The following CNTN6 variants were observed in gnomAD, a reference collection of about 807,000 sequenced individuals.
The protein encoded by CNTN6 is contactin-6.
In CNTN6, 137 loss-of-function variants were observed where a neutral mutation model predicts 122.8. The ratio of observed to expected loss-of-function variants is 1.12; its 90% CI spans 0.97 to 1.29. The LOEUF is 1.29. CNTN6 is among the 50% of genes most tolerant of loss of function. The probability of loss-of-function intolerance (pLI) is 0.00; values close to 1 mark genes in which losing one functional copy is unlikely to be tolerated. For synonymous variants in CNTN6, 570 were observed against 426.0 expected, an observed-to-expected ratio of 1.34 and a Z score of -4.16; for missense variants, 1,634 against 1,223.4, an observed-to-expected ratio of 1.34 and a Z score of -5.01.
Position 1,301,024 on chromosome 3 carries a change from C to CTTTTTTTTTTT in CNTN6, c.761+3053_761+3063dup, listed in dbSNP as rs562912841. On this transcript the variant is annotated intron_variant, in intron 7 of 22. Coordinates refer to ENST00000446702, the MANE Select transcript of CNTN6 (RefSeq NM_001289080.2). ...AATTTATAATACAGGAGTCCCTAAA[C>CTTTTTTTTTTT]TTTTTTTTTTTTTTTTTTTTTTTTT... is the stretch of plus-strand genomic sequence containing the variant. Among the ~76,000 whole-genome samples the CTTTTTTTTTTT allele has an allele frequency of 2.9e-4, 27 of 93,276 alleles. 2 individuals are homozygous for CTTTTTTTTTTT. The highest frequency in any genetic ancestry group is 1.0e-3 in the African/African-American group (24 of 23,114). The allele number at this position is 93,276 out of a possible 152,430, so 61.2% of individuals were successfully genotyped here.
At chr3:1,183,866 T>A (rs1381577680) in intron 2 of CNTN6, among the ~76,000 whole-genome samples, 1 of 152,174 alleles carries the variant, frequency 6.6e-6, no homozygotes, top group Non-Finnish European at 1.5e-5. Flanking sequence ...CACTCATGAC[T>A]GGGTTGTCAT....
chr3:1,142,954 TTG>T lies in CNTN6; in HGVS notation c.-82-4959_-82-4958del, dbSNP rs374380362. 5.1e-3 allele frequency among the ~76,000 whole-genome samples: 699 copies of T among 137,398 alleles called. 4 individuals are homozygous for T. The highest frequency in any genetic ancestry group is 5.7e-3 in the Non-Finnish European group (373 of 64,928). The allele number at this position is 137,398 out of a possible 152,430, so 90.1% of individuals were successfully genotyped here. A position where few individuals can be genotyped will look rare whatever the true frequency, so the allele number is the denominator to read the frequency against. ...ATGTACATTAAAGATACATATAAAT[TTG>T]TGTGTGTGTGTGTATATATATATAT... On this transcript the variant is annotated intron_variant, in intron 1 of 22. Transcript: ENST00000446702.
At chr3:1,276,711 C>T (rs1026029130) in intron 4 of CNTN6, among the ~76,000 whole-genome samples, 1 of 152,136 alleles carries the variant, frequency 6.6e-6, no homozygotes, top group Admixed American at 6.5e-5. Context: ...GATCAGTGCT[C>T]TCTTCTTATC....
intron 7 of CNTN6, among the ~76,000 whole-genome samples, 163 bp from the exon 8 acceptor site, chr3:1,321,487 T>C: frequency 6.6e-6 from 1 of 151,758 alleles, no homozygotes; most frequent in East Asian, 1.9e-4. Context: ...AATAAATGAC[T>C]GATTGAGTGA....
chr3:1,121,947 C>T (rs1211956959), intron 1 of CNTN6, among the ~76,000 whole-genome samples: 4 of 151,848 alleles, frequency 2.6e-5, no homozygotes, highest in African/African-American at 9.7e-5. Context: ...GTATTGAAAT[C>T]CCACCTTTGC....
intron 8 of CNTN6, among the ~76,000 whole-genome samples, chr3:1,325,408 T>A (rs930314646): frequency 2.0e-5 from 3 of 151,868 alleles, no homozygotes; most frequent in Non-Finnish European, 4.4e-5. Context: ...TTTATTACTT[T>A]TAGTTTAGAG....
intron 7 of CNTN6, among the ~76,000 whole-genome samples, chr3:1,306,674 T>A (rs532133023): frequency 6.6e-6 from 1 of 152,126 alleles, no homozygotes; most frequent in Non-Finnish European, 1.5e-5. Context: ...TACAGCAGAA[T>A]GTTTGTAAGG....
chr3:1,283,770 T>C (rs1212928393), intron 5 of CNTN6, among the ~76,000 whole-genome samples: 3 of 152,016 alleles, frequency 2.0e-5, no homozygotes, highest in Admixed American at 1.3e-4. Flanking sequence ...GAGGCCAAGG[T>C]GGGCAGATCA....
intron 17 of CNTN6, among the ~76,000 whole-genome samples, chr3:1,380,876 A>T (rs1205530925): frequency 2.0e-5 from 3 of 152,216 alleles, no homozygotes. Context: ...CAATTTTCAT[A>T]GATTTTACTC....
chr3:1,300,611 A>T (rs866235238), intron 7 of CNTN6, among the ~76,000 whole-genome samples: 1 of 149,804 alleles, frequency 6.7e-6, no homozygotes, highest in Middle Eastern at 3.4e-3. Context: ...GAAAGAGAGA[A>T]AGAAAGGAAG....
At chr3:1,274,550 T>A (rs1691968348) in intron 4 of CNTN6, among the ~76,000 whole-genome samples, 1 of 152,196 alleles carries the variant, frequency 6.6e-6, no homozygotes, top group African/African-American at 2.4e-5. Context: ...ATATCAGATC[T>A]GGTGAATCTA....
intron 5 of CNTN6, 24 bp downstream of exon 5, chr3:1,278,532 T>C (rs1197526179): frequency 3.3e-6 from 5 of 1,519,730 alleles, no homozygotes; most frequent in Non-Finnish European, 4.6e-6. Flanking sequence ...ATTTGGGTCA[T>C]ATCATCAATG....
chr3:1,220,975 TA>T (rs2094200128), intron 3 of CNTN6, among the ~76,000 whole-genome samples, 162 bp downstream of exon 3: 1 of 152,182 alleles, frequency 6.6e-6, no homozygotes, highest in South Asian at 2.1e-4. Context: ...GATAAAGATA[TA>T]GGCATTTCCA....
At chr3:1,400,425 A>G (rs1695536958) in intron 20 of CNTN6, among the ~76,000 whole-genome samples, 1 of 152,066 alleles carries the variant, frequency 6.6e-6, no homozygotes, top group Non-Finnish European at 1.5e-5. Context: ...GACTATATCC[A>G]TTACTTTAGA....
At chr3:1,151,324 A>G (rs565754495) in intron 2 of CNTN6, among the ~76,000 whole-genome samples, 2 of 152,314 alleles carry the variant, frequency 1.3e-5, no homozygotes, top group African/African-American at 4.8e-5. Context: ...ATGTTATCAC[A>G]GTAGAATAAA....
chr3:1,278,732 A>G (rs1692858819), intron 5 of CNTN6, among the ~76,000 whole-genome samples: 1 of 152,244 alleles, frequency 6.6e-6, no homozygotes, highest in South Asian at 2.1e-4. Context: ...GAGATACATC[A>G]TGGCATTGTA....
intron 2 of CNTN6, among the ~76,000 whole-genome samples, chr3:1,194,081 T>A (rs2125398569): frequency 6.6e-6 from 1 of 152,190 alleles, no homozygotes; most frequent in South Asian, 2.1e-4. Flanking sequence ...ATTGCAATTC[T>A]GATCACCTCT....
Position 1,383,332 on chromosome 3 carries a change from T to C in CNTN6, c.2441T>C (p.Phe814Ser), listed in dbSNP as rs542263596. Residue 814 changes from phenylalanine to serine, a missense_variant, in exon 19 of 23, where the codon TTT becomes TCT. Physicochemically the swap from Phe to Ser is radical, Grantham distance 155. Coordinates refer to ENST00000446702, the MANE Select transcript of CNTN6 (RefSeq NM_001289080.2). ...CCAAGGGGAACTTCTCTCCAGAGTT[T>C]TTCTGCTTCTGAAATGGAGGTTTCA... ...LAPRGTSLQS[F>S]SASEMEVSWN... 5.6e-6 allele frequency: 9 copies of C among 1,614,080 alleles called. No homozygotes were observed. The South Asian group carries it at 9.9e-5, about 18-fold the overall frequency.
At chr3:1,274,316 T>C (rs1393103444) in intron 4 of CNTN6, among the ~76,000 whole-genome samples, 1 of 152,132 alleles carries the variant, frequency 6.6e-6, no homozygotes. Flanking sequence ...AGTTTTTTCA[T>C]GGCCAAAGAA....
Sources: allele counts gnomAD v4.1 joint callset (sites outside exome capture counted in the v4.1 genomes callset), GRCh38; gene constraint gnomAD v4.1.1; transcripts MANE v1.5; gene names NCBI Gene and HGNC (gene_info 2026-07-23, HGNC 2026-07-21).